The following NEK10 variants were observed in gnomAD, a reference collection of about 807,000 sequenced individuals.
The protein encoded by NEK10 is serine/threonine-protein kinase Nek10.
In NEK10, 122 loss-of-function variants were observed where a neutral mutation model predicts 159.8. That is an observed-to-expected ratio of 0.76 (90% CI 0.66 to 0.89). The LOEUF (loss-of-function observed/expected upper bound fraction) is 0.89. Among genes scored for constraint, NEK10 ranks in the 40% least tolerant of loss-of-function variants. The pLI, the probability that NEK10 is intolerant of heterozygous loss-of-function variation, is 0.00. For missense variants in NEK10, 1,342 were observed against 1,323.1 expected (o/e 1.01, Z -0.22); for synonymous variants, 466 against 457.1 (o/e 1.02, Z -0.25).
chr3:27,260,052 T>C (rs2040258908), intron 22 of NEK10, among the ~76,000 whole-genome samples: 1 of 152,330 alleles, frequency 6.6e-6, no homozygotes, highest in African/African-American at 2.4e-5. Context: ...ATGCTTGTGA[T>C]TTTTGTACAT....
At chr3:27,345,663 C>A (rs889027385) in intron 4 of NEK10, among the ~76,000 whole-genome samples, 5 of 152,158 alleles carry the variant, frequency 3.3e-5, no homozygotes, top group African/African-American at 1.2e-4. Context: ...TAGAGGTGTG[C>A]CGCAAGCCCT....
chr3:27,284,473 G>C (rs532297442), intron 22 of NEK10, 129 bp downstream of exon 22: 6 of 598,752 alleles, frequency 1.0e-5, no homozygotes, highest in African/African-American at 9.3e-5. Context: ...CATGTGGCTA[G>C]TGGCTACTGT....
At chr3:27,222,630 A>G (rs1952236541) in intron 23 of NEK10, among the ~76,000 whole-genome samples, 1 of 152,216 alleles carries the variant, frequency 6.6e-6, no homozygotes, top group African/African-American at 2.4e-5. Flanking sequence ...TTATAATGAT[A>G]ATAAATAATA....
rs1399822825 is a variant in NEK10, at chr3:27,107,350, A to C, written c.*3922T>G. On this transcript the variant is annotated 3_prime_UTR_variant, in exon 36 of 36. Transcript: ENST00000691995. ...CACAACAGTCATATTTACAATATGC[A>C]ATTTACTGTAATGACACACATAAGA... 6.6e-6 allele frequency among the ~76,000 whole-genome samples: 1 copy of C among 152,178 alleles called. No homozygotes were observed. The highest frequency in any genetic ancestry group is 1.5e-5 in the Non-Finnish European group (1 of 68,038).
intron 1 of NEK10, among the ~76,000 whole-genome samples, chr3:27,364,529 TG>T (rs1197636544): frequency 6.6e-6 from 1 of 152,172 alleles, no homozygotes; most frequent in Non-Finnish European, 1.5e-5. Flanking sequence ...CACCCGGCCA[TG>T]TATTTATTTT....
rs34344159 is a variant in NEK10 at position 27,192,225 on chromosome 3, G to A, written c.2309C>T (p.Ala770Val). 9.4e-3 allele frequency: 15,146 copies of A among 1,613,530 alleles called. 77 individuals carry two copies. The highest frequency in any genetic ancestry group is 0.012 in the Non-Finnish European group (13,647 of 1,179,504). Residue 770 changes from alanine (A) to valine (V), a missense_variant, in exon 26 of 36, where the codon GCG (alanine) becomes GTG (valine). Ala to Val is a moderately conservative substitution (Grantham distance 64). Coordinates refer to ENST00000691995, the MANE Select transcript of NEK10 (RefSeq NM_001394966.1). Reference protein sequence around the residue: ...DTISRCLTPDAEARPDIVEVS... With the variant: ...DTISRCLTPDVEARPDIVEVS... ...TTCTACAATATCTGGACGAGCTTCC[G>A]CATCAGGAGTGAGGCACCTAAGATA... is the stretch of plus-strand genomic sequence containing the variant.
intron 22 of NEK10, among the ~76,000 whole-genome samples, chr3:27,270,307 C>T (rs2041233298): frequency 1.3e-5 from 2 of 152,078 alleles, no homozygotes; most frequent in Non-Finnish European, 1.5e-5. Flanking sequence ...AAATGAGGCA[C>T]TCACTCCAGT....
chr3:27,277,745 A>C (rs2041873574), intron 22 of NEK10, among the ~76,000 whole-genome samples: 1 of 152,102 alleles, frequency 6.6e-6, no homozygotes. Flanking sequence ...CTATTCACTC[A>C]TATTCTCTCG....
At chr3:27,176,016 T>C (rs746338493) in intron 26 of NEK10, among the ~76,000 whole-genome samples, 41 of 152,202 alleles carry the variant, frequency 2.7e-4, no homozygotes, top group Non-Finnish European at 5.0e-4. Flanking sequence ...GGCACAGGTT[T>C]CTAAAAACTC....
intron 1 of NEK10, among the ~76,000 whole-genome samples, chr3:27,359,062 T>A (rs868021826): frequency 9.9e-5 from 15 of 151,904 alleles, no homozygotes; most frequent in South Asian, 8.3e-4. Context: ...ATTAGCCAGG[T>A]GTGGTGGTGC....
chr3:27,149,227 A>G (rs1944596181), intron 30 of NEK10, among the ~76,000 whole-genome samples: 1 of 152,160 alleles, frequency 6.6e-6, no homozygotes, highest in Admixed American at 6.5e-5. Context: ...ACAAGAGTTT[A>G]TACAGTGATG....
chr3:27,251,634 C>G (rs796272430), intron 23 of NEK10, among the ~76,000 whole-genome samples: 12 of 152,146 alleles, frequency 7.9e-5, no homozygotes, highest in African/African-American at 2.9e-4. Flanking sequence ...AACCATGAAC[C>G]AGTTAAACCT....
At position 27,153,084 on chromosome 3, in the gene NEK10, G is replaced by A. The variant is rs190451083; in HGVS notation, c.2869+9617C>T. Among the ~76,000 whole-genome samples, 85 of 152,254 alleles carry A rather than the reference G, an allele frequency of 5.6e-4. 1 individual carries two copies. Among genetic ancestry groups the A allele is most frequent in the African/African-American group, 1.9e-3 (81 of 41,558 alleles). On this transcript the variant is annotated intron_variant, in intron 30 of 35. Transcript: ENST00000691995. ...TGCCTGTAATCCCAGCACTTTGGGA[G>A]GCCAAGTGGGCAGATCATGAGGTCA...
chr3:27,215,407 A>G (rs1951415477), intron 23 of NEK10, among the ~76,000 whole-genome samples: 1 of 152,182 alleles, frequency 6.6e-6, no homozygotes, highest in Non-Finnish European at 1.5e-5. Flanking sequence ...GGAAAACAAG[A>G]TATTTGCTTT....
chr3:27,120,300 A>C (rs1178627043), intron 32 of NEK10, among the ~76,000 whole-genome samples: 1 of 151,846 alleles, frequency 6.6e-6, no homozygotes, highest in Non-Finnish European at 1.5e-5. Flanking sequence ...TGTTTGACCA[A>C]GGAAAGTAAG....
intron 1 of NEK10, among the ~76,000 whole-genome samples, chr3:27,366,018 C>A (rs1239300808): frequency 2.0e-5 from 3 of 152,082 alleles, no homozygotes; most frequent in Non-Finnish European, 2.9e-5. Context: ...AAGCCATACA[C>A]CCTGTCCACA....
chr3:27,190,998 C>T (rs778179991), intron 26 of NEK10, among the ~76,000 whole-genome samples: 1 of 152,284 alleles, frequency 6.6e-6, no homozygotes, highest in Non-Finnish European at 1.5e-5. Flanking sequence ...GCATTTAAGG[C>T]AATGAAGATG....
intron 23 of NEK10, among the ~76,000 whole-genome samples, chr3:27,226,739 CT>C (rs1490266680): frequency 6.6e-6 from 1 of 151,780 alleles, no homozygotes. Context: ...GATTTTTATT[CT>C]TAGAAAAAAA....
At chr3:27,352,420 T>C (rs1257861641) in intron 3 of NEK10, 45 bp downstream of exon 3, 8 of 1,304,038 alleles carry the variant, frequency 6.1e-6, no homozygotes, top group African/African-American at 4.4e-5. Flanking sequence ...TGGAAACATA[T>C]GATTTTTCTT....
Sources: allele counts gnomAD v4.1 joint callset (sites outside exome capture counted in the v4.1 genomes callset), GRCh38; gene constraint gnomAD v4.1.1; transcripts MANE v1.5; gene names NCBI Gene and HGNC (gene_info 2026-07-23, HGNC 2026-07-21).